KAT7: variants seen among roughly 807,000 people sequenced by gnomAD.
KAT7 encodes the protein histone acetyltransferase KAT7.
KAT7 carries 10 observed loss-of-function variants against 82.1 expected under a neutral mutation model. That is an observed-to-expected ratio of 0.12 (90% CI 0.08 to 0.21). The LOEUF is 0.21. Ranked by LOEUF, KAT7 falls within the 10% of genes least tolerant of loss-of-function variation. The pLI, the probability that KAT7 is intolerant of heterozygous loss-of-function variation, is 1.00. For missense variants in KAT7, 378 were observed against 760.9 expected (o/e 0.50, Z 5.92); for synonymous variants, 250 against 262.5 (o/e 0.95, Z 0.46).
chr17:49,817,679 C>T, intron 8 of KAT7, 141 bp from the exon 9 acceptor site: 1 of 615,502 alleles, frequency 1.6e-6, no homozygotes, highest in Non-Finnish European at 2.9e-6. Context: ...TTCGGCCAGG[C>T]TGGTCTCGAA....
intron 5 of KAT7, among the ~76,000 whole-genome samples, chr17:49,808,381 A>G (rs1048826286): frequency 5.3e-5 from 8 of 151,060 alleles, no homozygotes; most frequent in African/African-American, 1.9e-4. Context: ...TGGCTTCCCA[A>G]AGTGCTGGGA....
At chr17:49,811,278 T>C (rs539259615) in intron 6 of KAT7, among the ~76,000 whole-genome samples, 198 bp from the exon 7 acceptor site, 28 of 152,018 alleles carry the variant, frequency 1.8e-4, no homozygotes, top group African/African-American at 6.0e-4. Context: ...GGCTAATTTT[T>C]GTATTTTTAA....
intron 2 of KAT7, among the ~76,000 whole-genome samples, chr17:49,796,025 T>A (rs1201622490): frequency 1.5e-5 from 2 of 132,692 alleles, no homozygotes; most frequent in East Asian, 2.1e-4. Context: ...ATATATTTTT[T>A]AAAAATGCTT....
rs770865820 is a variant in KAT7, at chr17:49,796,804, C to T, written c.218C>T (p.Ser73Phe). ...TTTGGCACTGAGGAGCCTGCTTACT[C>T]TACCAGAAGAGTGACCCGTAGTCAG... is the stretch of plus-strand genomic sequence containing the variant. ...QSFGTEEPAYSTRRVTRSQQQ... is the reference protein window; with the variant it reads ...QSFGTEEPAYFTRRVTRSQQQ... Residue 73 changes from serine to phenylalanine, a missense_variant, in exon 3 of 15, where the codon TCT (serine) becomes TTT (phenylalanine). Physicochemically the swap from Ser to Phe is radical, Grantham distance 155. Around this residue, in one of 6 missense-constraint regions of KAT7, gnomAD observed 161 missense variants for 229.6 expected, o/e 0.70. Coordinates refer to ENST00000259021, the MANE Select transcript of KAT7 (RefSeq NM_007067.5). 3 of 1,613,994 alleles carry T rather than the reference C, an allele frequency of 1.9e-6. No homozygotes were observed. Among genetic ancestry groups the T allele is most frequent in the East Asian group, 4.5e-5 (2 of 44,892 alleles).
At chr17:49,790,417 G>A (rs1376864188) in intron 1 of KAT7, among the ~76,000 whole-genome samples, 1 of 152,022 alleles carries the variant, frequency 6.6e-6, no homozygotes. Context: ...GGGTGGTTTC[G>A]AACTCCTGAC....
chr17:49,810,231 G>A (rs756469928), intron 6 of KAT7, among the ~76,000 whole-genome samples: 32 of 152,014 alleles, frequency 2.1e-4, no homozygotes, highest in Non-Finnish European at 4.3e-4. Flanking sequence ...ACTTTTCTTC[G>A]TTGTCTATCT....
At position 49,810,542 on chromosome 17, in the gene KAT7, C is replaced by G. The variant is rs546364537; in HGVS notation, c.754-934C>G. The stretch of plus-strand genomic sequence containing the variant: ...AAAGTGCTGGGATTATAAGCATGAG[C>G]CACGGTGCCCAACCTTGGGTTTTAT... On this transcript the variant is annotated intron_variant, in intron 6 of 14. Transcript: ENST00000259021. Among the ~76,000 whole-genome samples the G allele has an allele frequency of 2.5e-4, 38 of 152,310 alleles. 2 individuals carry two copies. In the South Asian group the frequency reaches 7.9e-3, roughly 32 times the overall value.
At chr17:49,797,503 A>C (rs575502848) in intron 3 of KAT7, among the ~76,000 whole-genome samples, 2 of 152,224 alleles carry the variant, frequency 1.3e-5, no homozygotes, top group East Asian at 3.8e-4. Flanking sequence ...GGCTTGAAGC[A>C]GACTTTTCTT....
At chr17:49,793,734 A>G (rs2073918697) in intron 2 of KAT7, among the ~76,000 whole-genome samples, 1 of 151,988 alleles carries the variant, frequency 6.6e-6, no homozygotes, top group Admixed American at 6.6e-5. Flanking sequence ...CACCGTGCCC[A>G]GCTAATTTTT....
chr17:49,804,559 T>C (rs113121916), intron 4 of KAT7, among the ~76,000 whole-genome samples: 312 of 152,246 alleles, frequency 2.0e-3, no homozygotes, highest in African/African-American at 6.9e-3. Flanking sequence ...GAAGATTGCT[T>C]GAGTCCAGGA....
chr17:49,818,045 G>A, intron 9 of KAT7, 34 bp downstream of exon 9: 1 of 1,556,272 alleles, frequency 6.4e-7, no homozygotes, highest in Non-Finnish European at 8.9e-7. Flanking sequence ...CCTTGACCAT[G>A]ATGGCAATAA....
intron 1 of KAT7, among the ~76,000 whole-genome samples, chr17:49,790,251 C>T (rs1242553727): frequency 2.6e-5 from 4 of 152,104 alleles, no homozygotes. Flanking sequence ...GGTCGGAGTG[C>T]GATGGCGTGA....
chr17:49,798,426 G>A lies in KAT7; in HGVS notation c.448G>A (p.Asp150Asn). ...IDISSPNVSH[D>N]ESIAKDMSLK... Reference sequence around the variant, plus strand: ...CATCTCCAGCCCCAATGTATCTCACGATGAGAGCATTGCCAAGGACATGTC... The same window carrying A: ...CATCTCCAGCCCCAATGTATCTCACAATGAGAGCATTGCCAAGGACATGTC... Residue 150 changes from aspartate to asparagine, a missense_variant, in exon 4 of 15, where the codon GAT becomes AAT. Around this residue, in one of 6 missense-constraint regions of KAT7, gnomAD observed 161 missense variants for 229.6 expected, o/e 0.70. Transcript: ENST00000259021. 2 of 1,614,154 alleles carry A rather than the reference G, an allele frequency of 1.2e-6. No homozygotes were observed. Among genetic ancestry groups the A allele is most frequent in the Non-Finnish European group, 1.7e-6 (2 of 1,180,024 alleles).
intron 9 of KAT7, among the ~76,000 whole-genome samples, chr17:49,820,559 G>A (rs2074290094): frequency 3.3e-5 from 5 of 152,094 alleles, no homozygotes; most frequent in Admixed American, 2.6e-4. Context: ...GATTACAGGC[G>A]TGAGCCACCG....
At position 49,834,652 on chromosome 17, in the gene KAT7, G is replaced by C; in HGVS notation, c.*7150G>C. The C allele has an allele frequency of 6.6e-6, 1 of 152,172 alleles. No individual in the cohort carries two copies. Among genetic ancestry groups the C allele is most frequent in the East Asian group, 1.9e-4 (1 of 5,204 alleles). The allele number at this position is 152,172 out of a possible 1,614,324, so 9.4% of individuals were successfully genotyped here. On this transcript the variant is annotated 3_prime_UTR_variant, in exon 15 of 15. Transcript: ENST00000259021. ...TTATTCCCTTTCTTGTGTTTACTGA[G>C]AAAGCCTCCACTTCAACGTTCCATG...
At position 49,814,431 on chromosome 17, in the gene KAT7, T is replaced by TA. The variant is rs1461871103; in HGVS notation, c.853-1371dup. ...TGTTAGAAGGGTAATAAGACAATGA[T>TA]ACCGTATATTGAGTGATTAGTGCTA... is the stretch of plus-strand genomic sequence containing the variant. On this transcript the variant is annotated intron_variant, in intron 7 of 14. Coordinates refer to ENST00000259021, the MANE Select transcript of KAT7 (RefSeq NM_007067.5). Among the ~76,000 whole-genome samples, 5 of 152,318 alleles carry TA rather than the reference T, an allele frequency of 3.3e-5. No homozygotes were observed. The East Asian group carries it at 7.7e-4, about 23-fold the overall frequency.
chr17:49,796,883 A>G lies in KAT7; in HGVS notation c.297A>G (p.Ser99=), dbSNP rs1567848819. The change falls in exon 3 of 15, where the codon TCA becomes TCG. Residue 99 remains serine (S), a synonymous_variant. Coordinates refer to ENST00000259021, the MANE Select transcript of KAT7 (RefSeq NM_007067.5). ...PKKYPLRQTR[S]SGSETEQVVD... ...AATACCCTCTTCGGCAGACTCGTTC[A>G]TCTGGTTCAGAAACTGAGCAAGTGG... 4 of 1,614,102 alleles carry G rather than the reference A, an allele frequency of 2.5e-6. No homozygotes were observed. The highest frequency in any genetic ancestry group is 3.4e-6 in the Non-Finnish European group (4 of 1,180,052).
Position 49,815,898 on chromosome 17 carries a change from G to C in KAT7, c.948G>C (p.Arg316=). 1 of 1,611,888 alleles carries C rather than the reference G, an allele frequency of 6.2e-7. No homozygotes were observed. The highest frequency in any genetic ancestry group is 1.1e-5 in the South Asian group (1 of 91,014). The change falls in exon 8 of 15, where the codon CGG becomes CGC. Residue 316 remains arginine (R), a synonymous_variant. Transcript: ENST00000259021. ...DLDLFRRAQA[R]ASEDLEKLRL... ...ATCTTTTCCGAAGAGCACAAGCCCG[G>C]GCTTCAGAGGATTTGGTGAGTATTA...
intron 4 of KAT7, among the ~76,000 whole-genome samples, chr17:49,803,097 GA>G (rs1304326137): frequency 1.3e-5 from 2 of 151,618 alleles, no homozygotes; most frequent in African/African-American, 4.9e-5. Flanking sequence ...TAATTTTGCG[GA>G]CCTCTAAAAT....
Sources: allele counts gnomAD v4.1 joint callset (sites outside exome capture counted in the v4.1 genomes callset), GRCh38; gene constraint gnomAD v4.1.1; regional missense constraint gnomAD v4.1.1; transcripts MANE v1.5; gene names NCBI Gene and HGNC (gene_info 2026-07-23, HGNC 2026-07-21).